The following NRXN1 variants were observed in gnomAD, a reference collection of about 807,000 sequenced individuals.
The protein encoded by NRXN1 is neurexin-1.
In NRXN1, 39 loss-of-function variants were observed where a neutral mutation model predicts 150.9. That is an observed-to-expected ratio of 0.26 (90% CI 0.20 to 0.34). The LOEUF (loss-of-function observed/expected upper bound fraction) is 0.34, where lower values mean the gene tolerates loss of function less well. Ranked by LOEUF, NRXN1 falls within the 10% of genes least tolerant of loss-of-function variation. The probability of loss-of-function intolerance (pLI) is 1.00; values close to 1 mark genes in which losing one functional copy is unlikely to be tolerated. For synonymous variants in NRXN1, 924 were observed against 757.0 expected (o/e 1.22, Z -3.62); for missense variants, 1,815 against 1,949.9 (o/e 0.93, Z 1.30).
chr2:50,777,715 T>C (rs1703839318), intron 5 of NRXN1, among the ~76,000 whole-genome samples: 1 of 152,140 alleles, frequency 6.6e-6, no homozygotes, highest in African/African-American at 2.4e-5. Context: ...CTAAATATCC[T>C]AAAAGGCTAA....
intron 17 of NRXN1, among the ~76,000 whole-genome samples, chr2:50,424,356 T>C (rs1386785390): frequency 8.0e-6 from 1 of 125,302 alleles, no homozygotes; most frequent in Non-Finnish European, 1.6e-5. Flanking sequence ...GAAATAAATT[T>C]TGGGAGAGAA....
At chr2:50,031,513 G>T (rs928070442) in intron 21 of NRXN1, among the ~76,000 whole-genome samples, 2 of 151,998 alleles carry the variant, frequency 1.3e-5, no homozygotes, top group African/African-American at 4.8e-5. Context: ...CCAGTGTAAA[G>T]TACAGTCATT....
intron 15 of NRXN1, among the ~76,000 whole-genome samples, chr2:50,493,559 G>A (rs1482808310): frequency 6.6e-6 from 1 of 152,122 alleles, no homozygotes; most frequent in East Asian, 1.9e-4. Context: ...CTCATGCTCT[G>A]GCCAATGCCC....
chr2:50,545,514 T>C (rs1359181563), intron 9 of NRXN1, among the ~76,000 whole-genome samples: 2 of 152,172 alleles, frequency 1.3e-5, no homozygotes, highest in East Asian at 3.9e-4. Flanking sequence ...AATGAAGAGA[T>C]TTGGTAGATT....
chr2:50,621,032 T>C, intron 7 of NRXN1, 194 bp downstream of exon 7: 1 of 527,794 alleles, frequency 1.9e-6, no homozygotes, highest in South Asian at 3.7e-5. Context: ...AAACAGAAGT[T>C]GACAGGAACA....
At chr2:50,792,193 G>C (rs923831619) in intron 5 of NRXN1, among the ~76,000 whole-genome samples, 1 of 152,090 alleles carries the variant, frequency 6.6e-6, no homozygotes, top group Non-Finnish European at 1.5e-5. Flanking sequence ...AATTATGTAC[G>C]AGAAAACTAC....
chr2:50,843,910 A>C (rs2105940548), intron 5 of NRXN1, among the ~76,000 whole-genome samples: 1 of 152,114 alleles, frequency 6.6e-6, no homozygotes, highest in African/African-American at 2.4e-5. Flanking sequence ...TCCAATCTCA[A>C]CCAAACCCTA....
At chr2:50,107,284 C>A (rs1449948240) in intron 18 of NRXN1, among the ~76,000 whole-genome samples, 1 of 150,136 alleles carries the variant, frequency 6.7e-6, no homozygotes, top group Non-Finnish European at 1.5e-5. Flanking sequence ...AGACCCTTTT[C>A]ATGCTCTTGC....
chr2:50,930,347 A>G (rs894015554), intron 2 of NRXN1, among the ~76,000 whole-genome samples: 6 of 152,126 alleles, frequency 3.9e-5, no homozygotes, highest in African/African-American at 1.4e-4. Flanking sequence ...TTAATTCAAA[A>G]TGTTCTATCT....
chr2:50,619,765 T>C, intron 8 of NRXN1: 1 of 416,090 alleles, frequency 2.4e-6, no homozygotes, highest in Non-Finnish European at 4.3e-6. Flanking sequence ...CTTTCTTTTA[T>C]AGCTAATATC....
At chr2:50,815,503 T>A (rs1446119668) in intron 5 of NRXN1, among the ~76,000 whole-genome samples, 7 of 152,182 alleles carry the variant, frequency 4.6e-5, no homozygotes, top group Admixed American at 4.6e-4. Context: ...CTTTGCTATT[T>A]AAGAACCCAT....
chr2:50,940,462 A>T (rs528617535), intron 2 of NRXN1, among the ~76,000 whole-genome samples: 1 of 150,480 alleles, frequency 6.6e-6, no homozygotes, highest in Admixed American at 6.6e-5. Context: ...TGACAGAGCA[A>T]GACTCCATCT....
chr2:51,020,404 G>C (rs996748161), intron 2 of NRXN1, among the ~76,000 whole-genome samples: 32 of 151,862 alleles, frequency 2.1e-4, no homozygotes, highest in African/African-American at 7.5e-4. Flanking sequence ...ATATTTTAAA[G>C]CATAATAATA....
chr2:50,988,741 C>G lies in NRXN1; in HGVS notation c.772+38761G>C, dbSNP rs148357213. Among the ~76,000 whole-genome samples the G allele has an allele frequency of 4.6e-4, 70 of 152,052 alleles. No homozygotes were observed. The East Asian group carries it at 0.012, about 26-fold the overall frequency. On this transcript the variant is annotated intron_variant, in intron 2 of 22. Transcript: ENST00000401669. ...TAATGCTCCATGCAGAGAACACAGGCGTTAGCAGCTGCTGTACCTAAGCTT... is the reference window on the plus strand; with the variant it reads ...TAATGCTCCATGCAGAGAACACAGGGGTTAGCAGCTGCTGTACCTAAGCTT...
At chr2:50,635,726 ACT>A (rs1361015864) in intron 5 of NRXN1, among the ~76,000 whole-genome samples, 2 of 151,884 alleles carry the variant, frequency 1.3e-5, no homozygotes, top group African/African-American at 2.4e-5. Context: ...TGCCTTAAAG[ACT>A]CTGTGCTGAC....
At chr2:50,986,205 G>A (rs1057491828) in intron 2 of NRXN1, among the ~76,000 whole-genome samples, 1 of 151,660 alleles carries the variant, frequency 6.6e-6, no homozygotes, top group Non-Finnish European at 1.5e-5. Flanking sequence ...TTAAGTCGTG[G>A]TGAGGAGAAT....
At chr2:50,878,838 G>A (rs545129125) in intron 5 of NRXN1, among the ~76,000 whole-genome samples, 18 of 151,938 alleles carry the variant, frequency 1.2e-4, no homozygotes, top group Non-Finnish European at 2.2e-4. Flanking sequence ...TCTCTACAAG[G>A]TAGGTTTTTG....
intron 15 of NRXN1, among the ~76,000 whole-genome samples, chr2:50,485,323 A>G (rs1294910120): frequency 3.9e-5 from 6 of 152,222 alleles, no homozygotes; most frequent in African/African-American, 1.4e-4. Flanking sequence ...TTAAGGAAAT[A>G]ATAAAAATAA....
intron 2 of NRXN1, among the ~76,000 whole-genome samples, chr2:50,982,771 T>C (rs10203784): frequency 0.097 from 14,722 of 152,106 alleles, 789 homozygotes; most frequent in South Asian, 0.17. Flanking sequence ...TAGTTGATCA[T>C]TTTAATGTGC....
Sources: allele counts gnomAD v4.1 joint callset (sites outside exome capture counted in the v4.1 genomes callset), GRCh38; gene constraint gnomAD v4.1.1; transcripts MANE v1.5; gene names NCBI Gene and HGNC (gene_info 2026-07-23, HGNC 2026-07-21).